Variants in VTA1 observed in about 807,000 individuals in gnomAD.
The protein encoded by VTA1 is vacuolar protein sorting-associated protein VTA1 homolog.
In VTA1, 24 loss-of-function variants were observed where a neutral mutation model predicts 36.9. The observed-to-expected ratio is 0.65, with a 90% CI of 0.47 to 0.91. The LOEUF (loss-of-function observed/expected upper bound fraction) is 0.91, where lower values mean the gene tolerates loss of function less well. Ranked by LOEUF, VTA1 falls within the 40% of genes least tolerant of loss-of-function variation. The probability of loss-of-function intolerance (pLI) is 0.00; values close to 1 mark genes in which losing one functional copy is unlikely to be tolerated. For missense variants in VTA1, 393 were observed against 377.2 expected (o/e 1.04, Z -0.35); for synonymous variants, 142 against 130.2 (o/e 1.09, Z -0.62).
intron 1 of VTA1, among the ~76,000 whole-genome samples, chr6:142,158,939 G>A (rs1373199634): frequency 1.3e-5 from 2 of 151,904 alleles, no homozygotes; most frequent in African/African-American, 4.8e-5. Flanking sequence ...GTACTTATAC[G>A]TATACCATAA....
intron 5 of VTA1, among the ~76,000 whole-genome samples, chr6:142,197,892 G>A (rs765210803): frequency 7.1e-4 from 106 of 149,820 alleles, no homozygotes; most frequent in Non-Finnish European, 1.4e-3. Context: ...GGCTAACACG[G>A]TGAAACCCCG....
intron 4 of VTA1, among the ~76,000 whole-genome samples, chr6:142,178,706 T>A (rs1315816939): frequency 6.6e-6 from 1 of 152,080 alleles, no homozygotes; most frequent in Admixed American, 6.5e-5. Context: ...GTGGGACCAA[T>A]GCAAAACACA....
intron 7 of VTA1, among the ~76,000 whole-genome samples, chr6:142,211,680 C>G (rs558579944): frequency 6.8e-6 from 1 of 147,292 alleles, no homozygotes; most frequent in Non-Finnish European, 1.5e-5. Context: ...CACTGCAGTC[C>G]GGCCTGGGCG....
At chr6:142,208,810 T>C (rs1053403117) in intron 7 of VTA1, among the ~76,000 whole-genome samples, 4 of 152,070 alleles carry the variant, frequency 2.6e-5, no homozygotes, top group Non-Finnish European at 4.4e-5. Context: ...TCCAGCAAAA[T>C]TGTCATTCAA....
intron 1 of VTA1, among the ~76,000 whole-genome samples, chr6:142,160,279 TAAC>T (rs1413119172): frequency 6.6e-6 from 1 of 152,202 alleles, no homozygotes; most frequent in Non-Finnish European, 1.5e-5. Context: ...ATACCCAGGG[TAAC>T]ATATAGAACT....
intron 4 of VTA1, among the ~76,000 whole-genome samples, chr6:142,188,398 A>G (rs944100324): frequency 6.6e-6 from 1 of 151,750 alleles, no homozygotes; most frequent in South Asian, 2.1e-4. Flanking sequence ...TATTTTCAAT[A>G]GAAACAGGGT....
intron 4 of VTA1, among the ~76,000 whole-genome samples, chr6:142,175,466 G>A (rs1399902015): frequency 6.6e-6 from 1 of 151,832 alleles, no homozygotes; most frequent in East Asian, 1.9e-4. Context: ...TATTATTCTA[G>A]TCCTTACATG....
At chr6:142,197,294 CT>C (rs910849242) in intron 5 of VTA1, among the ~76,000 whole-genome samples, 24 of 152,072 alleles carry the variant, frequency 1.6e-4, no homozygotes, top group African/African-American at 5.5e-4. Flanking sequence ...AACTTTTTTT[CT>C]TGTTTGAAAT....
At chr6:142,175,554 G>A (rs1562260726) in intron 4 of VTA1, among the ~76,000 whole-genome samples, 1 of 151,886 alleles carries the variant, frequency 6.6e-6, no homozygotes, top group Non-Finnish European at 1.5e-5. Context: ...TCATTTTTGT[G>A]TATTGTATTT....
chr6:142,186,631 A>G (rs1775344323), intron 4 of VTA1, among the ~76,000 whole-genome samples: 1 of 152,128 alleles, frequency 6.6e-6, no homozygotes, highest in South Asian at 2.1e-4. Flanking sequence ...CTTGAGAGTG[A>G]AGTTCCCAGA....
chr6:142,154,346 ATG>A (rs1562254148), intron 1 of VTA1, among the ~76,000 whole-genome samples: 1 of 152,078 alleles, frequency 6.6e-6, no homozygotes, highest in African/African-American at 2.4e-5. Context: ...ATTTCACCCT[ATG>A]TGTATACTAC....
intron 5 of VTA1, among the ~76,000 whole-genome samples, chr6:142,196,894 C>A (rs2114671907): frequency 6.6e-6 from 1 of 152,294 alleles, no homozygotes; most frequent in African/African-American, 2.4e-5. Context: ...CCCCCTGTTT[C>A]AGCTTTAAGT....
At chr6:142,189,950 G>A (rs1290917967) in intron 5 of VTA1, among the ~76,000 whole-genome samples, 2 of 151,916 alleles carry the variant, frequency 1.3e-5, no homozygotes, top group Non-Finnish European at 2.9e-5. Context: ...GTAGAGACGG[G>A]GTTTCACTGT....
At position 142,218,825 on chromosome 6, in the gene VTA1, G is replaced by A; in HGVS notation, c.*182G>A. ...TCAGCAGCCTCAACCAGTTTTCATT[G>A]TCCATTTACTAGATTCAATCGTCTC... On this transcript the variant is annotated 3_prime_UTR_variant, in exon 8 of 8. Coordinates refer to ENST00000367630, the MANE Select transcript of VTA1 (RefSeq NM_016485.5). The A allele has an allele frequency of 1.6e-6, 1 of 632,358 alleles. No individual in the cohort carries two copies. The highest frequency in any genetic ancestry group is 2.5e-6 in the Non-Finnish European group (1 of 401,060). The allele number at this position is 632,358 out of a possible 1,614,324, so 39.2% of individuals were successfully genotyped here. A position where few individuals can be genotyped will look rare whatever the true frequency, so the allele number is the denominator to read the frequency against.
intron 4 of VTA1, among the ~76,000 whole-genome samples, chr6:142,185,781 T>C (rs1775329001): frequency 1.3e-5 from 2 of 152,190 alleles, no homozygotes; most frequent in Admixed American, 1.3e-4. Context: ...CTAAATCCAA[T>C]AGCCACTTAC....
intron 4 of VTA1, among the ~76,000 whole-genome samples, chr6:142,181,558 A>G (rs1484284361): frequency 6.6e-6 from 1 of 151,114 alleles, no homozygotes; most frequent in Admixed American, 6.6e-5. Context: ...AAGATATGTG[A>G]GAGTATGTTG....
chr6:142,198,014 G>C (rs556279514), intron 5 of VTA1, among the ~76,000 whole-genome samples: 1 of 151,202 alleles, frequency 6.6e-6, no homozygotes, highest in Non-Finnish European at 1.5e-5. Context: ...GGAGAATGGC[G>C]TGAACCTGGG....
intron 2 of VTA1, 87 bp from the exon 3 acceptor site, chr6:142,169,463 C>G (rs893461288): frequency 2.0e-5 from 28 of 1,366,904 alleles, no homozygotes; most frequent in Non-Finnish European, 2.8e-5. Flanking sequence ...AAATAATTTA[C>G]TTAAAATGAT....
At chr6:142,169,807 C>T in intron 3 of VTA1, 130 bp downstream of exon 3, 1 of 824,560 alleles carries the variant, frequency 1.2e-6, no homozygotes, top group Non-Finnish European at 1.7e-6. Flanking sequence ...AATTATCAAA[C>T]CTCACGGTGA....
Sources: allele counts gnomAD v4.1 joint callset (sites outside exome capture counted in the v4.1 genomes callset), GRCh38; gene constraint gnomAD v4.1.1; transcripts MANE v1.5; gene names NCBI Gene and HGNC (gene_info 2026-07-23, HGNC 2026-07-21).